CTNNA2: variants seen among roughly 807,000 people sequenced by gnomAD.
CTNNA2 encodes the protein catenin alpha 2, also known as catenin alpha-2.
In CTNNA2, 42 loss-of-function variants were observed where a neutral mutation model predicts 101.0. That is an observed-to-expected ratio of 0.42 (90% CI 0.32 to 0.54). CTNNA2 has a LOEUF of 0.54. Ranked by LOEUF, CTNNA2 falls within the 20% of genes least tolerant of loss-of-function variation. The probability of loss-of-function intolerance (pLI) is 0.14; values close to 1 mark genes in which losing one functional copy is unlikely to be tolerated. For synonymous variants in CTNNA2, 450 were observed against 456.4 expected (o/e 0.99, Z 0.18); for missense variants, 871 against 1,223.1 (o/e 0.71, Z 4.29).
chr2:80,311,175 A>T (rs1452201914), intron 7 of CTNNA2, among the ~76,000 whole-genome samples: 2 of 152,138 alleles, frequency 1.3e-5, no homozygotes, highest in Admixed American at 1.3e-4. Flanking sequence ...TAATATCCTT[A>T]TACCTTTGAA....
chr2:80,075,417 A>T (rs1270202675), intron 7 of CTNNA2, among the ~76,000 whole-genome samples: 1 of 151,584 alleles, frequency 6.6e-6, no homozygotes, highest in Non-Finnish European at 1.5e-5. Flanking sequence ...ATTTTCCTCC[A>T]TTGCAAAATA....
At chr2:79,289,527 C>T (rs906412880) in intron 2 of CTNNA2, among the ~76,000 whole-genome samples, 4 of 151,846 alleles carry the variant, frequency 2.6e-5, no homozygotes, top group East Asian at 1.9e-4. Flanking sequence ...TTTGGGAGGC[C>T]GAGGCGGGTG....
chr2:80,147,290 T>C (rs2148921106), intron 7 of CTNNA2, among the ~76,000 whole-genome samples: 1 of 152,148 alleles, frequency 6.6e-6, no homozygotes, highest in East Asian at 1.9e-4. Flanking sequence ...TTCGTACAGT[T>C]GGGGTTTCAC....
At chr2:79,611,500 A>G (rs1678270878) in intron 1 of CTNNA2, among the ~76,000 whole-genome samples, 1 of 152,152 alleles carries the variant, frequency 6.6e-6, no homozygotes, top group African/African-American at 2.4e-5. Flanking sequence ...TACAGAATTA[A>G]ACAAATAACT....
intron 2 of CTNNA2, among the ~76,000 whole-genome samples, chr2:79,711,359 A>T (rs1685726522): frequency 6.6e-6 from 1 of 152,108 alleles, no homozygotes; most frequent in African/African-American, 2.4e-5. Context: ...GGAGGAGGAA[A>T]AAGTACTTGG....
chr2:79,249,663 ATTTG>A (rs1674744294), intron 2 of CTNNA2, among the ~76,000 whole-genome samples: 1 of 152,138 alleles, frequency 6.6e-6, no homozygotes, highest in Admixed American at 6.5e-5. Context: ...GAGTTGGAGT[ATTTG>A]TTTGTAGACT....
intron 3 of CTNNA2, among the ~76,000 whole-genome samples, chr2:79,772,430 T>C (rs1370521090): frequency 6.6e-6 from 1 of 152,138 alleles, no homozygotes; most frequent in Non-Finnish European, 1.5e-5. Context: ...GATGGCAAGA[T>C]AGTGGTTTAA....
intron 9 of CTNNA2, among the ~76,000 whole-genome samples, chr2:80,515,555 G>T (rs1689045936): frequency 6.6e-6 from 1 of 152,222 alleles, no homozygotes. Flanking sequence ...GATTATTTCA[G>T]TTGCCAGAGG....
intron 7 of CTNNA2, among the ~76,000 whole-genome samples, chr2:80,368,831 A>ATGTGTGTGTGTATATATGTGTG (rs1675179456): frequency 7.0e-6 from 1 of 143,850 alleles, no homozygotes; most frequent in Non-Finnish European, 1.5e-5. Context: ...GTATATATAT[A>ATGTGTGTGTGTATATATGTGTG]TGTGTGTGTG....
chr2:80,437,576 C>A (rs2149436395), intron 9 of CTNNA2, among the ~76,000 whole-genome samples: 1 of 152,264 alleles, frequency 6.6e-6, no homozygotes, highest in East Asian at 1.9e-4. Flanking sequence ...TGCTTATTTA[C>A]CGAGTCTAAT....
intron 7 of CTNNA2, among the ~76,000 whole-genome samples, chr2:80,168,895 C>T (rs994865493): frequency 2.6e-5 from 4 of 152,114 alleles, no homozygotes; most frequent in Non-Finnish European, 5.9e-5. Context: ...ATTTTCTTCT[C>T]CCTTTGCAAG....
intron 7 of CTNNA2, among the ~76,000 whole-genome samples, chr2:80,267,135 A>G (rs968917432): frequency 1.3e-5 from 2 of 151,922 alleles, no homozygotes; most frequent in African/African-American, 4.8e-5. Context: ...TTAGGCTTTC[A>G]CTCACATTCA....
intron 1 of CTNNA2, among the ~76,000 whole-genome samples, chr2:79,192,305 C>A (rs1673884985): frequency 6.6e-6 from 1 of 152,154 alleles, no homozygotes; most frequent in Non-Finnish European, 1.5e-5. Context: ...CTTTGTGCTG[C>A]ATATTGTACT....
chr2:79,599,784 T>C (rs1168950888), intron 1 of CTNNA2, among the ~76,000 whole-genome samples: 1 of 152,228 alleles, frequency 6.6e-6, no homozygotes, highest in Non-Finnish European at 1.5e-5. Flanking sequence ...GTCACATTTT[T>C]TCTGATACCA....
intron 1 of CTNNA2, among the ~76,000 whole-genome samples, chr2:79,553,577 CTTATAG>C (rs543700387): frequency 2.0e-5 from 3 of 152,098 alleles, no homozygotes; most frequent in African/African-American, 4.8e-5. Flanking sequence ...CCTCAAGAAA[CTTATAG>C]TTATGGTGGA....
At chr2:80,585,708 C>T (rs1387021388) in intron 14 of CTNNA2, among the ~76,000 whole-genome samples, 4 of 152,082 alleles carry the variant, frequency 2.6e-5, no homozygotes, top group Admixed American at 2.6e-4. Context: ...ATTGATAAGA[C>T]CTAATTAAAA....
intron 2 of CTNNA2, among the ~76,000 whole-genome samples, chr2:79,743,193 G>A (rs13035866): frequency 0.22 from 33,835 of 151,752 alleles, 4,092 homozygotes; most frequent in African/African-American, 0.32. Context: ...AAATACAGCA[G>A]TAAACATGAC....
At chr2:80,084,497 C>T (rs149987169) in intron 7 of CTNNA2, among the ~76,000 whole-genome samples, 3 of 152,014 alleles carry the variant, frequency 2.0e-5, no homozygotes, top group Non-Finnish European at 2.9e-5. Flanking sequence ...TTATATATGA[C>T]AGTACTCTTC....
intron 2 of CTNNA2, among the ~76,000 whole-genome samples, chr2:79,228,216 A>G (rs1298135422): frequency 6.6e-6 from 1 of 152,208 alleles, no homozygotes; most frequent in Non-Finnish European, 1.5e-5. Flanking sequence ...CAGTGAACAT[A>G]TGGGTGCATG....
Sources: allele counts gnomAD v4.1 joint callset (sites outside exome capture counted in the v4.1 genomes callset), GRCh38; gene constraint gnomAD v4.1.1; transcripts MANE v1.5; gene names NCBI Gene and HGNC (gene_info 2026-07-23, HGNC 2026-07-21).